The following CPAMD8 variants were observed in gnomAD, a reference collection of about 807,000 sequenced individuals.
CPAMD8 encodes the protein C3 and PZP-like alpha-2-macroglobulin domain-containing protein 8.
CPAMD8 carries 146 observed loss-of-function variants against 224.7 expected under a neutral mutation model. The ratio of observed to expected loss-of-function variants is 0.65; its 90% CI spans 0.57 to 0.75. The LOEUF is 0.75. Ranked by LOEUF, CPAMD8 falls within the 30% of genes least tolerant of loss-of-function variation. The pLI is 0.00. For missense variants in CPAMD8, 2,301 were observed against 2,537.5 expected (o/e 0.91, Z 2.00); for synonymous variants, 966 against 1,044.6 (o/e 0.92, Z 1.45).
chr19:16,909,096 C>T (rs375193527), intron 29 of CPAMD8, among the ~76,000 whole-genome samples: 12 of 152,224 alleles, frequency 7.9e-5, no homozygotes, highest in African/African-American at 2.9e-4. Flanking sequence ...ACAGGTGTAG[C>T]GGGTTGAACG....
In CPAMD8 at chr19:16,929,124, A is replaced by G. The variant is rs1194004354; in HGVS notation, c.2962T>C (p.Ser988Pro). The stretch of plus-strand genomic sequence containing the variant: ...CCTGCTGTGTCCTGGGGCCCAGAAG[A>G]CAAGGCCACACGGGCATCATTGTGA... ...RAHNDARVAL[S>P]SGPQDTAGMI... Residue 988 changes from serine to proline, a missense_variant, in exon 24 of 42, where the codon TCT (serine) becomes CCT (proline). Physicochemically the swap from Ser to Pro is moderately conservative, Grantham distance 74 (BLOSUM62 -1). Coordinates refer to ENST00000443236, the MANE Select transcript of CPAMD8 (RefSeq NM_015692.5). The G allele has an allele frequency of 6.2e-7, 1 of 1,614,070 alleles. No individual in the cohort carries two copies. Among genetic ancestry groups the G allele is most frequent in the Admixed American group, 1.7e-5 (1 of 60,024 alleles).
intron 22 of CPAMD8, among the ~76,000 whole-genome samples, chr19:16,942,589 G>A (rs1209415265): frequency 6.6e-6 from 1 of 152,220 alleles, no homozygotes; most frequent in Non-Finnish European, 1.5e-5. Flanking sequence ...ATTGGCTGGG[G>A]CCCTGGGCAC....
chr19:16,914,550 C>G, intron 28 of CPAMD8, 52 bp from the exon 29 acceptor site: 1 of 1,607,098 alleles, frequency 6.2e-7, no homozygotes, highest in Non-Finnish European at 8.5e-7. Context: ...CAGTCCACTT[C>G]CCCCCACTTC....
chr19:16,981,231 C>A (rs145548325), intron 13 of CPAMD8, among the ~76,000 whole-genome samples: 140 of 152,064 alleles, frequency 9.2e-4, no homozygotes, highest in African/African-American at 3.3e-3. Flanking sequence ...CGTGGTGGCA[C>A]ATGCCTGTAG....
Position 16,940,500 on chromosome 19 carries a change from G to T in CPAMD8, c.2794-2054C>A, listed in dbSNP as rs1243501277. On this transcript the variant is annotated intron_variant, in intron 22 of 41. Transcript: ENST00000443236. ...GACCCCCAACTTCACCTTGTGACGG[G>T]GTTATCATGCTTCAGAAAGGGTCTG... Among the ~76,000 whole-genome samples, 3 of 152,226 alleles carry T rather than the reference G, an allele frequency of 2.0e-5. No homozygotes were observed. In the East Asian group the frequency reaches 5.8e-4, roughly 29 times the overall value.
Position 17,008,504 on chromosome 19 carries a change from C to A in CPAMD8, c.559+1G>T, listed in dbSNP as rs757448338. 97 of 1,612,666 alleles carry A rather than the reference C, an allele frequency of 6.0e-5. No individual in the cohort carries two copies. Among genetic ancestry groups the A allele is most frequent in the Non-Finnish European group, 8.1e-5 (95 of 1,180,012 alleles). ...CCCAAGCCGCAGAGGAAGAAACTTA[C>A]CGCAGCAGAACGGCTTTAAGTGTCT... On this transcript the variant is annotated splice_donor_variant, in intron 7 of 41. Coordinates refer to ENST00000443236, the MANE Select transcript of CPAMD8 (RefSeq NM_015692.5). LOFTEE classifies it high-confidence loss of function.
chr19:16,983,911 A>G (rs2055610841), intron 13 of CPAMD8, among the ~76,000 whole-genome samples: 1 of 152,218 alleles, frequency 6.6e-6, no homozygotes, highest in Non-Finnish European at 1.5e-5. Context: ...TTGAAAAAGA[A>G]GAATAACATT....
chr19:16,954,160 C>T (rs2054387162), intron 19 of CPAMD8, among the ~76,000 whole-genome samples: 1 of 151,872 alleles, frequency 6.6e-6, no homozygotes. Context: ...GGGTGAAACC[C>T]CGTCTCTACT....
At chr19:16,920,873 A>T (rs2053147718) in intron 27 of CPAMD8, among the ~76,000 whole-genome samples, 2 of 151,114 alleles carry the variant, frequency 1.3e-5, no homozygotes, top group African/African-American at 2.4e-5. Flanking sequence ...AAAAAAAAAA[A>T]AAAAAAGGTC....
rs1196710399 is a variant in CPAMD8, at chr19:16,906,407, T to TTTC, written c.4027+542_4027+544dup. On this transcript the variant is annotated intron_variant, in intron 30 of 41. Coordinates refer to ENST00000443236, the MANE Select transcript of CPAMD8 (RefSeq NM_015692.5). ...CTTTCTTTCTTTCTTTCTTTCTTTC[T>TTTC]TTCCTTCCTTCCTTCCTTCCTTCCT... Among the ~76,000 whole-genome samples, 3 of 69,866 alleles carry TTTC rather than the reference T, an allele frequency of 4.3e-5. 1 individual carries two copies. The highest frequency in any genetic ancestry group is 3.2e-4 in the Admixed American group (2 of 6,296). 45.8% of individuals were successfully genotyped at this position (69,866 alleles called of 152,430 possible).
intron 6 of CPAMD8, 154 bp from the exon 7 acceptor site, chr19:17,008,713 G>A (rs2056563549): frequency 4.7e-6 from 4 of 843,120 alleles, no homozygotes; most frequent in Non-Finnish European, 8.0e-6. Context: ...CAAAAAAAAA[G>A]CTCTGGATAG....
chr19:16,958,092 A>G (rs1599782282), intron 18 of CPAMD8, among the ~76,000 whole-genome samples, 177 bp from the exon 19 acceptor site: 1 of 147,032 alleles, frequency 6.8e-6, no homozygotes, highest in East Asian at 1.9e-4. Flanking sequence ...TGGCAGGGTT[A>G]ACAGTCTACT....
At chr19:16,967,890 CATGT>C (rs71938405) in intron 18 of CPAMD8, among the ~76,000 whole-genome samples, 2,211 of 60,078 alleles carry the variant, frequency 0.037, 66 homozygotes, top group East Asian at 0.13. Context: ...TATACACACA[CATGT>C]GTGTGTATAT....
At chr19:16,947,390 A>G (rs933996603) in intron 20 of CPAMD8, among the ~76,000 whole-genome samples, 163 bp from the exon 21 acceptor site, 3 of 152,098 alleles carry the variant, frequency 2.0e-5, no homozygotes, top group Non-Finnish European at 4.4e-5. Context: ...TCCGATCAGA[A>G]CAAACTACCC....
rs2053772149 is a variant in CPAMD8 at position 16,938,443 on chromosome 19, C to T, written c.2797G>A (p.Glu933Lys). The T allele has an allele frequency of 1.9e-6, 3 of 1,576,224 alleles. No individual in the cohort carries two copies. Among genetic ancestry groups the T allele is most frequent in the Non-Finnish European group, 2.6e-6 (3 of 1,161,188 alleles). ...TAGGTGTACGCCCGGGGGACTCCTT[C>T]CGCCTGAAACAAAGAAACAAGGAGA... Reference protein sequence around the residue: ...HVRRSVMVEAEGVPRAYTYSA... With the variant: ...HVRRSVMVEAKGVPRAYTYSA... Residue 933 changes from glutamate (E) to lysine (K), a missense_variant, in exon 23 of 42, where the codon GAA becomes AAA. Around this residue, in one of 4 missense-constraint regions of CPAMD8, gnomAD observed 1,709 missense variants for 1,753.2 expected, o/e 0.97. Transcript: ENST00000443236.
At chr19:16,989,568 T>C (rs2055864097) in intron 13 of CPAMD8, 75 bp downstream of exon 13, 1 of 1,545,494 alleles carries the variant, frequency 6.5e-7, no homozygotes, top group Admixed American at 2.0e-5. Context: ...ATTACAGGCA[T>C]GAGCCACAGC....
At chr19:16,927,208 G>A (rs576162725) in intron 25 of CPAMD8, among the ~76,000 whole-genome samples, 5 of 152,124 alleles carry the variant, frequency 3.3e-5, no homozygotes, top group East Asian at 3.9e-4. Context: ...GGAAGGACTC[G>A]GTGGGAGATA....
At chr19:16,895,884 T>TGC (rs759736085) in intron 41 of CPAMD8, 142 of 528,396 alleles carry the variant, frequency 2.7e-4, no homozygotes, top group African/African-American at 1.8e-3. Context: ...TTGACCCGTA[T>TGC]GCGCGCGCGC....
chr19:16,931,526 T>C (rs2053545615), intron 23 of CPAMD8, among the ~76,000 whole-genome samples: 1 of 152,182 alleles, frequency 6.6e-6, no homozygotes, highest in Admixed American at 6.5e-5. Flanking sequence ...CTACTGCCAG[T>C]GCCCATGCCA....
Sources: allele counts gnomAD v4.1 joint callset (sites outside exome capture counted in the v4.1 genomes callset), GRCh38; gene constraint gnomAD v4.1.1; regional missense constraint gnomAD v4.1.1; transcripts MANE v1.5; gene names NCBI Gene and HGNC (gene_info 2026-07-23, HGNC 2026-07-21).